The following NOP14 variants were observed in gnomAD, a reference collection of about 807,000 sequenced individuals.
The protein encoded by NOP14 is NOP14 nucleolar protein.
NOP14 carries 57 observed loss-of-function variants against 101.6 expected under a neutral mutation model. The observed-to-expected ratio is 0.56, with a 90% confidence interval of 0.45 to 0.70. NOP14 has a LOEUF of 0.70. NOP14 is among the 30% of genes least tolerant of loss of function. NOP14 has a pLI of 0.00. For missense variants in NOP14, 1,134 were observed against 1,075.5 expected, an observed-to-expected ratio of 1.05 and a Z score of -0.76; for synonymous variants, 428 against 424.0, an observed-to-expected ratio of 1.01 and a Z score of -0.12.
chr4:2,961,154 A>G (rs1296509273), intron 1 of NOP14, among the ~76,000 whole-genome samples: 1 of 21,370 alleles, frequency 4.7e-5, no homozygotes, highest in African/African-American at 3.8e-4. Context: ...CTAATATAAT[A>G]ATATATTAAT....
chr4:2,947,488 T>C (rs1409056561), intron 10 of NOP14, 38 bp downstream of exon 10: 2 of 1,387,584 alleles, frequency 1.4e-6, no homozygotes, highest in Non-Finnish European at 1.0e-6. Flanking sequence ...TTGTTCTGCT[T>C]AACCCCACAT....
intron 8 of NOP14, among the ~76,000 whole-genome samples, chr4:2,949,021 G>A (rs1354121142): frequency 1.3e-5 from 2 of 152,140 alleles, no homozygotes; most frequent in African/African-American, 4.8e-5. Context: ...AGGGTGCTGG[G>A]TTTAGTGCCC....
rs141737199 is a variant in NOP14, at chr4:2,949,942, G to C, written c.1274C>G (p.Thr425Arg). ...CCCGCGCACTTGCCCACCTGCGAACGTGTAGGGCAGCTCGTCTCTGGTAGC... is the reference window on the plus strand; with the variant it reads ...CCCGCGCACTTGCCCACCTGCGAACCTGTAGGGCAGCTCGTCTCTGGTAGC... ...GKATRDELPYTFAAPESYEEL... is the reference protein window; with the variant it reads ...GKATRDELPYRFAAPESYEEL... Residue 425 changes from threonine (T) to arginine (R), a missense_variant, in exon 8 of 18, where the codon ACG becomes AGG. Thr to Arg is a moderately conservative substitution (Grantham distance 71, BLOSUM62 -1). Coordinates refer to ENST00000416614, the MANE Select transcript of NOP14 (RefSeq NM_001291978.2). 2.7e-4 allele frequency: 432 copies of C among 1,614,188 alleles called. 3 individuals carry two copies. The East Asian group carries it at 9.3e-3, about 35-fold the overall frequency.
In NOP14 at chr4:2,941,656, G is replaced by A; in HGVS notation, c.2125C>T (p.His709Tyr). ...GCTTGGAGAGGCCCCATGATGGCGTGGAAGGATGGCAGGGACCCGTACATG... is the reference window on the plus strand; with the variant it reads ...GCTTGGAGAGGCCCCATGATGGCGTAGAAGGATGGCAGGGACCCGTACATG... ...VLMYGSLPSF[H>Y]AIMGPLQALL... The change falls in exon 15 of 18, where the codon CAC becomes TAC. Residue 709 changes from histidine to tyrosine, a missense_variant. By Grantham distance (83) the His-to-Tyr change is moderately conservative. Coordinates refer to ENST00000416614, the MANE Select transcript of NOP14 (RefSeq NM_001291978.2). The A allele has an allele frequency of 6.2e-7, 1 of 1,613,518 alleles. No homozygotes were observed. Among genetic ancestry groups the A allele is most frequent in the Non-Finnish European group, 8.5e-7 (1 of 1,179,922 alleles).
rs751015998 is a variant in NOP14, at chr4:2,941,687, G to A, written c.2094C>T (p.Cys698=). The change falls in exon 15 of 18, where the codon TGC becomes TGT. Residue 698 remains cysteine, a synonymous_variant. Coordinates refer to ENST00000416614, the MANE Select transcript of NOP14 (RefSeq NM_001291978.2). ...LAVGLALLKR[C]VLMYGSLPSF... ...ATGGCAGGGACCCGTACATGAGCAC[G>A]CAGCGCTTCAGCAGGGCCAGGCCCA... The A allele has an allele frequency of 1.9e-5, 30 of 1,613,182 alleles. No homozygotes were observed. Among genetic ancestry groups the A allele is most frequent in the South Asian group, 9.9e-5 (9 of 90,742 alleles).
Position 2,956,816 on chromosome 4 carries a change from CAG to C in NOP14, c.331-7_331-6del. On this transcript the variant is annotated splice_polypyrimidine_tract_variant and splice_region_variant and intron_variant, in intron 2 of 17. Transcript: ENST00000416614. The stretch of plus-strand genomic sequence containing the variant: ...GCTTTTTTTCTCATGATGTCGCTGA[CAG>C]AAGAGAAAAAAAGTTTCCTAAAATT... The C allele has an allele frequency of 2.6e-6, 4 of 1,566,648 alleles. No homozygotes were observed. The highest frequency in any genetic ancestry group is 3.4e-6 in the Non-Finnish European group (4 of 1,164,276).
Position 2,941,583 on chromosome 4 carries a change from T to C in NOP14, c.2198A>G (p.Gln733Arg), listed in dbSNP as rs1461588326. The change falls in exon 15 of 18, where the codon CAG becomes CGG. Residue 733 changes from glutamine (Q) to arginine (R), a missense_variant and splice_region_variant. Physicochemically the swap from Gln to Arg is conservative, Grantham distance 43 (BLOSUM62 1). Transcript: ENST00000416614. ...ACCCTAGTGGCCGGGAAGCCTCACC[T>C]GGAGCTCCTGCGGGTGGCTGCAGTC... ...LADCSHPQEL[Q>R]ELCQSTLTEM... 2 of 1,611,684 alleles carry C rather than the reference T, an allele frequency of 1.2e-6. No individual in the cohort carries two copies. The highest frequency in any genetic ancestry group is 2.2e-5 in the South Asian group (2 of 90,686).
chr4:2,950,964 TACCA>T (rs1333735246), intron 7 of NOP14, 146 bp downstream of exon 7: 1 of 672,584 alleles, frequency 1.5e-6, no homozygotes, highest in African/African-American at 1.8e-5. Flanking sequence ...ATATCTGATA[TACCA>T]TAAACACCCA....
In NOP14 at chr4:2,939,592, C is replaced by T; in HGVS notation, c.2253G>A (p.Arg751=). ...GCTTGCTCTTCTCACAGGTCAGCGG[C>T]CGGCAGAGCTGCTTCTGGCTTTCCA... ...TEMESQKQLC[R]PLTCEKSKPV... Residue 751 remains arginine, a synonymous_variant, in exon 16 of 18, where the codon CGG becomes CGA. Transcript: ENST00000416614. 6.2e-7 allele frequency: 1 copy of T among 1,613,978 alleles called. No individual in the cohort carries two copies. Among genetic ancestry groups the T allele is most frequent in the Non-Finnish European group, 8.5e-7 (1 of 1,180,034 alleles).
intron 10 of NOP14, 36 bp from the exon 11 acceptor site, chr4:2,946,583 C>A (rs763225389): frequency 6.2e-7 from 1 of 1,609,098 alleles, no homozygotes; most frequent in Non-Finnish European, 8.5e-7. Flanking sequence ...GAGAGAATGA[C>A]TTTAGATAAG....
In NOP14 at chr4:2,953,640, C is replaced by T. The variant is rs1405975637; in HGVS notation, c.618G>A (p.Glu206=). 2 of 1,614,072 alleles carry T rather than the reference C, an allele frequency of 1.2e-6. No individual in the cohort carries two copies. Among genetic ancestry groups the T allele is most frequent in the African/African-American group, 2.7e-5 (2 of 74,934 alleles). ...GGGCATCTTCTCGTTGAGCTTGTCT[C>T]TCCCTCTGGGGAAAAAATAACAGAC... ...LIAKSKQEKR[E]RQAQREDALE... The change falls in exon 5 of 18, where the codon GAG becomes GAA. Residue 206 remains glutamate, a synonymous_variant. Transcript: ENST00000416614.
Position 2,961,112 on chromosome 4 carries a change from A to C in NOP14, c.195+2013T>G, listed in dbSNP as rs866607333. The stretch of plus-strand genomic sequence containing the variant: ...ATAATAATATATTAATATTTTAATA[A>C]TATATTAATATTATAATAATATATT... On this transcript the variant is annotated intron_variant, in intron 1 of 17. Coordinates refer to ENST00000416614, the MANE Select transcript of NOP14 (RefSeq NM_001291978.2). 5.6e-3 allele frequency among the ~76,000 whole-genome samples: 538 copies of C among 95,876 alleles called. 6 individuals are homozygous for C. The highest frequency in any genetic ancestry group is 0.012 in the African/African-American group (215 of 18,334). The allele number at this position is 95,876 out of a possible 152,430, so 62.9% of individuals were successfully genotyped here. A position where few individuals can be genotyped will look rare whatever the true frequency, so the allele number is the denominator to read the frequency against.
chr4:2,940,352 C>T (rs796435980), intron 15 of NOP14: 1 of 152,488 alleles, frequency 6.6e-6, no homozygotes, highest in African/African-American at 2.4e-5. Context: ...CTCCTGGGCC[C>T]ATGTGGATGT....
intron 1 of NOP14, among the ~76,000 whole-genome samples, chr4:2,958,038 C>T (rs1018789): frequency 0.46 from 70,240 of 152,016 alleles, 17,420 homozygotes; most frequent in African/African-American, 0.63. Flanking sequence ...ATGGCTCCCT[C>T]GGCTGTAACA....
intron 8 of NOP14, 122 bp downstream of exon 8, chr4:2,949,812 C>T: frequency 8.7e-7 from 1 of 1,150,022 alleles, no homozygotes; most frequent in Non-Finnish European, 1.3e-6. Flanking sequence ...CCAGGCACTC[C>T]CAAGGGCATC....
chr4:2,945,678 G>C (rs1360087444), intron 11 of NOP14, among the ~76,000 whole-genome samples: 1 of 152,180 alleles, frequency 6.6e-6, no homozygotes, highest in African/African-American at 2.4e-5. Context: ...AAATCTCAGC[G>C]TACAAATGTC....
In NOP14 at chr4:2,944,234, G is replaced by A. The variant is rs1714440416; in HGVS notation, c.1738-8C>T. 2.5e-6 allele frequency: 4 copies of A among 1,609,116 alleles called. No individual in the cohort carries two copies. Among genetic ancestry groups the A allele is most frequent in the Non-Finnish European group, 2.5e-6 (3 of 1,178,506 alleles). On this transcript the variant is annotated splice_polypyrimidine_tract_variant and splice_region_variant and intron_variant, in intron 12 of 17. Coordinates refer to ENST00000416614, the MANE Select transcript of NOP14 (RefSeq NM_001291978.2). ...GAGGGACAGGATGGGGCACTGGAAA[G>A]GAACATATGGGGGGTTACTGTCCTG...
At chr4:2,960,749 T>TTACATTAATATTAATATATTAA (rs1715712969) in intron 1 of NOP14, among the ~76,000 whole-genome samples, 1 of 82,482 alleles carries the variant, frequency 1.2e-5, no homozygotes, top group Non-Finnish European at 2.9e-5. Flanking sequence ...TATATTAATA[T>TTACATTAATATTAATATATTAA]TATAATCACA....
chr4:2,956,626 C>T (rs1715360280), intron 3 of NOP14, 44 bp downstream of exon 3: 13 of 1,571,288 alleles, frequency 8.3e-6, no homozygotes, highest in Middle Eastern at 1.7e-4. Flanking sequence ...CAGACTCTCC[C>T]TGACTCCACG....
Sources: allele counts gnomAD v4.1 joint callset (sites outside exome capture counted in the v4.1 genomes callset), GRCh38; gene constraint gnomAD v4.1.1; transcripts MANE v1.5; gene names NCBI Gene and HGNC (gene_info 2026-07-23, HGNC 2026-07-21).